Variants in RNF213 observed in about 807,000 individuals in gnomAD.
RNF213 encodes the protein E3 ubiquitin-protein ligase RNF213.
RNF213 carries 341 observed loss-of-function variants against 514.4 expected under a neutral mutation model. The ratio of observed to expected loss-of-function variants is 0.66; its 90% confidence interval spans 0.61 to 0.73. RNF213 has a LOEUF of 0.73. Among genes scored for constraint, RNF213 ranks in the 30% least tolerant of loss-of-function variants. The pLI, the probability that RNF213 is intolerant of heterozygous loss-of-function variation, is 0.00. For synonymous variants in RNF213, 2,655 were observed against 2,658.2 expected, an observed-to-expected ratio of 1.00 and a Z score of 0.04; for missense variants, 5,767 against 6,615.6, an observed-to-expected ratio of 0.87 and a Z score of 4.45.
chr17:80,374,317 G>T, intron 49 of RNF213, 141 bp from the exon 50 acceptor site: 1 of 1,077,206 alleles, frequency 9.3e-7, no homozygotes. Flanking sequence ...AGACTGTCCT[G>T]CCTCAGGCCA....
chr17:80,332,681 A>G (rs1283636111), intron 21 of RNF213, 50 bp downstream of exon 21: 4 of 1,448,360 alleles, frequency 2.8e-6, no homozygotes, highest in Non-Finnish European at 3.6e-6. Flanking sequence ...GTCCTGCCTC[A>G]GCCTCTTCAG....
chr17:80,298,668 A>T, intron 11 of RNF213, 150 bp downstream of exon 11: 4 of 877,748 alleles, frequency 4.6e-6, no homozygotes, highest in Non-Finnish European at 7.2e-6. Context: ...TAAGACATCA[A>T]AACTGTCAAG....
At chr17:80,271,806 G>A (rs1041947071) in intron 2 of RNF213, among the ~76,000 whole-genome samples, 7 of 150,098 alleles carry the variant, frequency 4.7e-5, no homozygotes, top group Admixed American at 2.0e-4. Context: ...GTGAAACCCC[G>A]TCTCTACTAA....
chr17:80,398,132 GGTTTTT>G lies in RNF213; in HGVS notation c.*4642_*4647del, dbSNP rs2080698439. On this transcript the variant is annotated 3_prime_UTR_variant, in exon 68 of 68. Transcript: ENST00000582970. ...CACGGCGTGCCTGTACTGGCACTCTGGTTTTTGTTTTTGACTTGACTTGGATTGCTT... is the reference window on the plus strand; with the variant it reads ...CACGGCGTGCCTGTACTGGCACTCTGGTTTTTGACTTGACTTGGATTGCTT... 1 of 151,622 alleles carries G rather than the reference GGTTTTT, an allele frequency of 6.6e-6. No individual in the cohort carries two copies. The highest frequency in any genetic ancestry group is 2.1e-4 in the South Asian group (1 of 4,758). 9.4% of individuals were successfully genotyped at this position (151,622 alleles called of 1,614,324 possible).
Position 80,352,944 on chromosome 17 carries a change from G to T in RNF213, c.10308G>T (p.Leu3436=), listed in dbSNP as rs1275414156. The T allele has an allele frequency of 3.1e-6, 5 of 1,614,068 alleles. No individual in the cohort carries two copies. The highest frequency in any genetic ancestry group is 3.4e-6 in the Non-Finnish European group (4 of 1,180,042). ...GGGTGGCTTCACTCTTCACAGGGCT[G>T]TGGCAGTCTGTCCACATCGATGACC... ...GTAYVGFHGG[L]WQSVHIDDLR... Residue 3436 remains leucine, a synonymous_variant, in exon 33 of 68, where the codon CTG becomes CTT. Coordinates refer to ENST00000582970, the MANE Select transcript of RNF213 (RefSeq NM_001256071.3).
intron 57 of RNF213, chr17:80,381,939 C>T (rs2080024405): frequency 5.1e-6 from 3 of 585,412 alleles, no homozygotes; most frequent in South Asian, 3.8e-5. Flanking sequence ...TGCCCAGAGG[C>T]TGGAAGGAGC....
Position 80,287,828 on chromosome 17 carries a change from AAAGG to A in RNF213, c.279_282del (p.Lys94ArgfsTer26). The A allele has an allele frequency of 6.2e-7, 1 of 1,613,092 alleles. No homozygotes were observed. Among genetic ancestry groups the A allele is most frequent in the Non-Finnish European group, 8.5e-7 (1 of 1,179,422 alleles). ...CTTTCTGTTTAGAGCAAAAAGAAGAAAAGGAAGAAGAAAAAGAAGGGGAACAAGT... is the reference window on the plus strand; with the variant it reads ...CTTTCTGTTTAGAGCAAAAAGAAGAAAAGAAGAAAAAGAAGGGGAACAAGT... On this transcript the variant is annotated frameshift_variant, in exon 4 of 68. Coordinates refer to ENST00000582970, the MANE Select transcript of RNF213 (RefSeq NM_001256071.3). LOFTEE classifies it high-confidence loss of function.
chr17:80,347,090 T>C lies in RNF213; in HGVS notation c.8755T>C (p.Ser2919Pro), dbSNP rs779672659. The C allele has an allele frequency of 4.3e-6, 7 of 1,613,918 alleles. No homozygotes were observed. The highest frequency in any genetic ancestry group is 5.9e-6 in the Non-Finnish European group (7 of 1,179,958). ...CATAGAGAGCGCCAAGGGCATCTGCTCCTCAGACATCCTCGTCCAGGACCG... is the reference window on the plus strand; with the variant it reads ...CATAGAGAGCGCCAAGGGCATCTGCCCCTCAGACATCCTCGTCCAGGACCG... Reference protein sequence around the residue: ...ELIESAKGICSSDILVQDRVQ... With the variant: ...ELIESAKGICPSDILVQDRVQ... The change falls in exon 29 of 68, where the codon TCC becomes CCC. Residue 2919 changes from serine (S) to proline (P), a missense_variant. Transcript: ENST00000582970. The surrounding 1 kb of genome is among the most constrained non-coding windows in gnomAD (Gnocchi z 7.2).
In RNF213 at chr17:80,345,365, G is replaced by A; in HGVS notation, c.7030G>A (p.Asp2344Asn). Reference protein sequence around the residue: ...SHLTGKVIKRDVMTRDLYQGL... With the variant: ...SHLTGKVIKRNVMTRDLYQGL... ...CTTGACTGGGAAGGTCATCAAGAGA[G>A]ACGTCATGACCAGGGACCTGTACCA... Residue 2344 changes from aspartate to asparagine, a missense_variant, in exon 29 of 68, where the codon GAC becomes AAC. This residue lies in a region of RNF213 where 1,377 missense variants were observed against 1,635.2 expected (regional missense o/e 0.84). Transcript: ENST00000582970. The surrounding 1 kb of genome is among the most constrained non-coding windows in gnomAD (Gnocchi z 6.0). The A allele has an allele frequency of 6.2e-7, 1 of 1,614,120 alleles. No homozygotes were observed. The highest frequency in any genetic ancestry group is 2.2e-5 in the East Asian group (1 of 44,882).
chr17:80,357,157 T>C (rs1440460332), intron 36 of RNF213, among the ~76,000 whole-genome samples: 4 of 152,076 alleles, frequency 2.6e-5, no homozygotes, highest in Non-Finnish European at 5.9e-5. Flanking sequence ...CCTCAGGTGA[T>C]CCGCCCGCCT....
chr17:80,299,789 C>T (rs752213307), intron 11 of RNF213, among the ~76,000 whole-genome samples: 19 of 152,094 alleles, frequency 1.2e-4, no homozygotes, highest in Non-Finnish European at 2.6e-4. Flanking sequence ...CATTTAGCTC[C>T]CACTTACAAG....
intron 61 of RNF213, among the ~76,000 whole-genome samples, chr17:80,385,871 G>T (rs2080216653): frequency 6.6e-6 from 1 of 152,142 alleles, no homozygotes. Context: ...TCACCATGTT[G>T]CCCAGGCTGG....
chr17:80,289,544 C>T (rs1033498839), intron 5 of RNF213, 115 bp from the exon 6 acceptor site: 13 of 1,120,810 alleles, frequency 1.2e-5, no homozygotes, highest in East Asian at 2.5e-5. Context: ...GAGCTGAGAT[C>T]GCAGTACTGC....
Position 80,340,326 on chromosome 17 carries a change from G to A in RNF213, c.5959G>A (p.Gly1987Arg). ...AAVFNDRLCV[G>R]IVASERAGVG... Reference sequence around the variant, plus strand: ...CGTGTTCAATGACCGGCTGTGTGTTGGGATCGTGGCCTCGGAGCGAGCAGG... The same window carrying A: ...CGTGTTCAATGACCGGCTGTGTGTTAGGATCGTGGCCTCGGAGCGAGCAGG... Residue 1987 changes from glycine (G) to arginine (R), a missense_variant, in exon 26 of 68, where the codon GGG becomes AGG. Gly to Arg is a moderately radical substitution (Grantham distance 125). Coordinates refer to ENST00000582970, the MANE Select transcript of RNF213 (RefSeq NM_001256071.3). The A allele has an allele frequency of 6.2e-7, 1 of 1,613,576 alleles. No individual in the cohort carries two copies. The highest frequency in any genetic ancestry group is 8.5e-7 in the Non-Finnish European group (1 of 1,180,006).
intron 11 of RNF213, chr17:80,298,727 G>A: frequency 1.8e-6 from 1 of 561,314 alleles, no homozygotes; most frequent in Non-Finnish European, 3.2e-6. Context: ...CACTTTGGGA[G>A]GCTGAGACGG....
intron 16 of RNF213, among the ~76,000 whole-genome samples, chr17:80,318,494 A>G (rs766251434): frequency 9.9e-5 from 15 of 152,240 alleles, no homozygotes; most frequent in Non-Finnish European, 1.9e-4. Context: ...AGTGGAGAAC[A>G]CACAGACATG....
chr17:80,361,631 C>A, intron 38 of RNF213, 103 bp from the exon 39 acceptor site: 1 of 1,318,940 alleles, frequency 7.6e-7, no homozygotes, highest in Non-Finnish European at 1.1e-6. Context: ...AGCTCCCATT[C>A]AACAAGGCGT....
chr17:80,279,499 CTG>C (rs2044182729), intron 3 of RNF213, among the ~76,000 whole-genome samples: 1 of 151,762 alleles, frequency 6.6e-6, no homozygotes, highest in Admixed American at 6.6e-5. Flanking sequence ...GAGTCTCGCT[CTG>C]TCGCCCAAGC....
chr17:80,371,863 T>C lies in RNF213; in HGVS notation c.12426-11T>C. ...CTGAGAGAACCAGGAATAATATTTC[T>C]CTTTCTGCAGCTTTCATGATGTAAA... is the stretch of plus-strand genomic sequence containing the variant. On this transcript the variant is annotated splice_polypyrimidine_tract_variant and intron_variant, in intron 46 of 67. Transcript: ENST00000582970. The C allele has an allele frequency of 7.6e-7, 1 of 1,314,834 alleles. No homozygotes were observed. The highest frequency in any genetic ancestry group is 2.3e-5 in the East Asian group (1 of 43,434). 81.4% of individuals were successfully genotyped at this position (1,314,834 alleles called of 1,614,324 possible). A position where few individuals can be genotyped will look rare whatever the true frequency, so the allele number is the denominator to read the frequency against.
Sources: allele counts gnomAD v4.1 joint callset (sites outside exome capture counted in the v4.1 genomes callset), GRCh38; gene constraint gnomAD v4.1.1; regional missense constraint gnomAD v4.1.1; non-coding constraint Gnocchi (gnomAD v3.1); transcripts MANE v1.5; gene names NCBI Gene and HGNC (gene_info 2026-07-23, HGNC 2026-07-21).